ARMH3: variants seen among roughly 807,000 people sequenced by gnomAD.
ARMH3 encodes the protein armadillo like helical domain containing 3, also known as armadillo-like helical domain-containing protein 3.
Under a neutral mutation model 99.1 loss-of-function variants are expected in ARMH3, and 60 were observed. The observed-to-expected ratio is 0.61, with a 90% CI of 0.49 to 0.75. The LOEUF (loss-of-function observed/expected upper bound fraction) is 0.75. Among genes scored for constraint, ARMH3 ranks in the 30% least tolerant of loss-of-function variants. The pLI is 0.00. For synonymous variants in ARMH3, 285 were observed against 292.8 expected (o/e 0.97, Z 0.27); for missense variants, 679 against 843.1 (o/e 0.81, Z 2.41).
intron 23 of ARMH3, among the ~76,000 whole-genome samples, chr10:101,930,209 GAAACCACA>G (rs1443739890): frequency 6.6e-6 from 1 of 151,888 alleles, no homozygotes; most frequent in East Asian, 1.9e-4. Context: ...ATAAGAAATA[GAAACCACA>G]AAATCATCTC....
chr10:101,853,347 AC>A (rs1322233243), intron 24 of ARMH3, among the ~76,000 whole-genome samples: 1 of 152,022 alleles, frequency 6.6e-6, no homozygotes, highest in Non-Finnish European at 1.5e-5. Context: ...CTGGGCCCCA[AC>A]CCATCCAAGA....
At chr10:102,008,765 C>A (rs1269327180) in intron 13 of ARMH3, among the ~76,000 whole-genome samples, 1 of 151,682 alleles carries the variant, frequency 6.6e-6, no homozygotes, top group African/African-American at 2.4e-5. Context: ...CAGGGTTTCA[C>A]CGTGTTAGCC....
At chr10:101,936,367 C>T (rs566619230) in intron 23 of ARMH3, among the ~76,000 whole-genome samples, 8 of 151,666 alleles carry the variant, frequency 5.3e-5, no homozygotes, top group Non-Finnish European at 5.9e-5. Context: ...TGGTGCGTGC[C>T]TGTAATCCCA....
At chr10:101,927,813 C>T (rs556847850) in intron 23 of ARMH3, among the ~76,000 whole-genome samples, 1 of 152,214 alleles carries the variant, frequency 6.6e-6, no homozygotes, top group Non-Finnish European at 1.5e-5. Context: ...TGGCTCACGC[C>T]TATAATCCCA....
intron 1 of ARMH3, among the ~76,000 whole-genome samples, chr10:102,041,706 A>AATG (rs1353370485): frequency 4.0e-5 from 6 of 151,704 alleles, no homozygotes; most frequent in Non-Finnish European, 7.4e-5. Context: ...GCTGGAGTAC[A>AATG]ATGGCGTGAT....
At chr10:102,041,090 A>AATATATATATATATATATATATG (rs2067408057) in intron 1 of ARMH3, among the ~76,000 whole-genome samples, 1 of 132,640 alleles carries the variant, frequency 7.5e-6, no homozygotes, top group Non-Finnish European at 1.6e-5. Context: ...ATATATATAT[A>AATATATATATATATATATATATG]ATATATATAT....
intron 23 of ARMH3, among the ~76,000 whole-genome samples, chr10:101,930,233 A>C (rs1843664659): frequency 6.6e-6 from 1 of 152,178 alleles, no homozygotes; most frequent in Admixed American, 6.5e-5. Flanking sequence ...ATCTCAATAG[A>C]AGCAAAAAAA....
At chr10:101,989,235 T>C (rs1205381503) in intron 19 of ARMH3, among the ~76,000 whole-genome samples, 1 of 152,184 alleles carries the variant, frequency 6.6e-6, no homozygotes, top group Non-Finnish European at 1.5e-5. Context: ...GTTTAAACTT[T>C]ATTAAAATAT....
At chr10:101,954,873 T>C (rs558864749) in intron 22 of ARMH3, among the ~76,000 whole-genome samples, 1 of 152,218 alleles carries the variant, frequency 6.6e-6, no homozygotes, top group Non-Finnish European at 1.5e-5. Flanking sequence ...TCTTCTCTTA[T>C]CTTGTTGCTG....
At chr10:102,030,768 T>C (rs2067111125) in intron 4 of ARMH3, among the ~76,000 whole-genome samples, 1 of 151,336 alleles carries the variant, frequency 6.6e-6, no homozygotes, top group Admixed American at 6.6e-5. Flanking sequence ...CAGTTTTTTT[T>C]GTTTTGTTTT....
chr10:102,022,491 TAAAAAAA>T (rs745889967), intron 8 of ARMH3, among the ~76,000 whole-genome samples: 3 of 85,364 alleles, frequency 3.5e-5, no homozygotes, highest in Non-Finnish European at 6.9e-5. Context: ...GACTCTGACT[TAAAAAAA>T]AAAAAAAAAA....
intron 25 of ARMH3, among the ~76,000 whole-genome samples, chr10:101,849,259 T>C (rs547714855): frequency 8.5e-5 from 13 of 152,292 alleles, no homozygotes; most frequent in South Asian, 4.1e-4. Flanking sequence ...GGGCTAGCTC[T>C]GTGGAGACAC....
chr10:101,918,990 G>A (rs1843198190), intron 23 of ARMH3, among the ~76,000 whole-genome samples: 1 of 152,130 alleles, frequency 6.6e-6, no homozygotes, highest in Non-Finnish European at 1.5e-5. Context: ...CTAAATCTAG[G>A]TCAGTTTAGT....
At chr10:102,043,704 C>A (rs1030701503) in intron 1 of ARMH3, among the ~76,000 whole-genome samples, 2 of 152,190 alleles carry the variant, frequency 1.3e-5, no homozygotes, top group African/African-American at 4.8e-5. Context: ...TCAGTTTAGG[C>A]TTTAAGGCAG....
intron 23 of ARMH3, among the ~76,000 whole-genome samples, chr10:101,937,446 G>A (rs547121774): frequency 2.3e-3 from 345 of 151,754 alleles, no homozygotes; most frequent in African/African-American, 8.0e-3. Context: ...TTGAGCCTGG[G>A]AAGCGGAGGC....
At chr10:101,873,489 T>C (rs1438505296) in intron 24 of ARMH3, among the ~76,000 whole-genome samples, 1 of 152,168 alleles carries the variant, frequency 6.6e-6, no homozygotes, top group African/African-American at 2.4e-5. Context: ...TTTATTGAGA[T>C]ATAGTTTATA....
At chr10:101,889,338 C>T (rs1363008638) in intron 24 of ARMH3, 74 bp downstream of exon 24, 9 of 1,374,864 alleles carry the variant, frequency 6.5e-6, no homozygotes, top group Middle Eastern at 1.8e-4. Context: ...CACAGAATCC[C>T]CCTGCCATCA....
chr10:101,911,347 G>C (rs1164011193), intron 23 of ARMH3, among the ~76,000 whole-genome samples: 1 of 152,172 alleles, frequency 6.6e-6, no homozygotes, highest in Non-Finnish European at 1.5e-5. Flanking sequence ...TGAAGAAATG[G>C]TTGATTCCAG....
intron 22 of ARMH3, among the ~76,000 whole-genome samples, chr10:101,943,006 A>G (rs11191156): frequency 0.28 from 42,037 of 152,124 alleles, 6,394 homozygotes; most frequent in Non-Finnish European, 0.35. Flanking sequence ...TAGAATTGTG[A>G]TCCCCTAAAA....
Sources: gnomAD v4.1 joint callset for allele counts (sites outside exome capture counted in the v4.1 genomes callset) on GRCh38, gnomAD v4.1.1 for gene constraint, MANE v1.5 for transcripts, NCBI Gene and HGNC (gene_info 2026-07-23, HGNC 2026-07-21) for gene names.